WWTR1: variants seen among roughly 807,000 people sequenced by gnomAD.
The protein encoded by WWTR1 is WW domain-containing transcription regulator protein 1.
WWTR1 carries 13 observed loss-of-function variants against 40.1 expected under a neutral mutation model. The observed-to-expected ratio is 0.32, with a 90% CI of 0.21 to 0.52. The LOEUF (loss-of-function observed/expected upper bound fraction) is 0.52. Ranked by LOEUF, WWTR1 falls within the 20% of genes least tolerant of loss-of-function variation. The probability of loss-of-function intolerance (pLI) is 0.97; values close to 1 mark genes in which losing one functional copy is unlikely to be tolerated. For missense variants in WWTR1, 436 were observed against 523.1 expected, an observed-to-expected ratio of 0.83 and a Z score of 1.63; for synonymous variants, 230 against 210.1, an observed-to-expected ratio of 1.09 and a Z score of -0.82.
chr3:149,583,963 G>C (rs1005256038), intron 2 of WWTR1, among the ~76,000 whole-genome samples: 1 of 152,152 alleles, frequency 6.6e-6, no homozygotes, highest in African/African-American at 2.4e-5. Flanking sequence ...TAACATCTAG[G>C]AATCAGCTTC....
chr3:149,609,631 G>C (rs1739643502), intron 2 of WWTR1, among the ~76,000 whole-genome samples: 1 of 152,170 alleles, frequency 6.6e-6, no homozygotes, highest in East Asian at 1.9e-4. Context: ...TTTACAACAG[G>C]GACTTTATGG....
At chr3:149,636,048 T>G (rs987273345) in intron 2 of WWTR1, among the ~76,000 whole-genome samples, 1 of 152,188 alleles carries the variant, frequency 6.6e-6, no homozygotes, top group Admixed American at 6.5e-5. Context: ...AGTCAAAATT[T>G]TAAATGAAGA....
rs1331088206 is a variant in WWTR1, at chr3:149,651,171, A to G, written c.431+5705T>C. 4.6e-5 allele frequency among the ~76,000 whole-genome samples: 7 copies of G among 152,174 alleles called. No homozygotes were observed. The East Asian group carries it at 1.3e-3, about 29-fold the overall frequency. Reference sequence around the variant, plus strand: ...GGGCCCTTATGAAAACAGCTACATTATACTGTCATTCAAAGATAAACAGAA... The same window carrying G: ...GGGCCCTTATGAAAACAGCTACATTGTACTGTCATTCAAAGATAAACAGAA... On this transcript the variant is annotated intron_variant, in intron 2 of 6. Coordinates refer to ENST00000360632, the MANE Select transcript of WWTR1 (RefSeq NM_015472.6).
chr3:149,604,876 C>T (rs2108056635), intron 2 of WWTR1, among the ~76,000 whole-genome samples: 1 of 152,328 alleles, frequency 6.6e-6, no homozygotes, highest in Admixed American at 6.5e-5. Context: ...GCCATACGTT[C>T]TGCATTCTTA....
chr3:149,648,314 T>G (rs946614710), intron 2 of WWTR1, among the ~76,000 whole-genome samples: 2 of 152,168 alleles, frequency 1.3e-5, no homozygotes, highest in African/African-American at 4.8e-5. Context: ...AATACAGGAT[T>G]CCTTTCGAAC....
At chr3:149,557,061 CTTTTTTTTTT>C (rs3044118) in intron 3 of WWTR1, among the ~76,000 whole-genome samples, 3 of 64,356 alleles carry the variant, frequency 4.7e-5, no homozygotes, top group African/African-American at 1.2e-4. Context: ...CTGGAATCTT[CTTTTTTTTTT>C]TTTTTTTTTT....
chr3:149,592,672 T>C (rs1738786433), intron 2 of WWTR1, among the ~76,000 whole-genome samples: 2 of 152,222 alleles, frequency 1.3e-5, no homozygotes, highest in South Asian at 2.1e-4. Context: ...TGAAATTAAC[T>C]TGTGTTTTTA....
chr3:149,594,418 T>C (rs1041235384), intron 2 of WWTR1, among the ~76,000 whole-genome samples: 8 of 152,346 alleles, frequency 5.3e-5, no homozygotes, highest in Admixed American at 3.3e-4. Context: ...TAGGAATATT[T>C]GAATATGTAC....
intron 4 of WWTR1, among the ~76,000 whole-genome samples, chr3:149,531,604 C>T (rs565234623): frequency 1.3e-5 from 2 of 152,134 alleles, no homozygotes; most frequent in East Asian, 1.9e-4. Flanking sequence ...AGGTGTTCCT[C>T]GAGTCTTCCT....
intron 2 of WWTR1, among the ~76,000 whole-genome samples, chr3:149,667,263 G>A (rs529117895): frequency 5.4e-4 from 82 of 152,128 alleles, no homozygotes; most frequent in Non-Finnish European, 9.1e-4. Context: ...TCTTACTAAT[G>A]GGGCCGGGCG....
chr3:149,705,427 A>G (rs934502436), upstream of WWTR1, among the ~76,000 whole-genome samples: 1 of 152,246 alleles, frequency 6.6e-6, no homozygotes, highest in Non-Finnish European at 1.5e-5. Flanking sequence ...CAAATGTCAG[A>G]AAACAATATG....
intron 2 of WWTR1, among the ~76,000 whole-genome samples, chr3:149,636,966 G>GAAAAAAAAAAAAAAAAAAAAAAA (rs397950107): frequency 2.3e-5 from 1 of 43,308 alleles, no homozygotes. Flanking sequence ...TGTCTCAAGT[G>GAAAAAAAAAAAAAAAAAAAAAAA]AAAAAAAAAA....
chr3:149,703,850 T>C (rs1312652350), upstream of WWTR1, among the ~76,000 whole-genome samples: 1 of 152,214 alleles, frequency 6.6e-6, no homozygotes, highest in Non-Finnish European at 1.5e-5. Flanking sequence ...ATTGGAAGCT[T>C]CCTGAGTCCC....
At chr3:149,656,457 C>T (rs1713209317) in intron 2 of WWTR1, among the ~76,000 whole-genome samples, 2 of 152,088 alleles carry the variant, frequency 1.3e-5, no homozygotes, top group Non-Finnish European at 2.9e-5. Flanking sequence ...ACCAAAAGTC[C>T]CTCTGTTCCC....
At chr3:149,623,311 CGA>C (rs1740398817) in intron 2 of WWTR1, among the ~76,000 whole-genome samples, 2 of 152,114 alleles carry the variant, frequency 1.3e-5, no homozygotes, top group South Asian at 4.2e-4. Flanking sequence ...TGCAGTGAGC[CGA>C]GATTGTGCCA....
chr3:149,617,360 A>G (rs73868042), intron 2 of WWTR1, among the ~76,000 whole-genome samples: 3,538 of 152,264 alleles, frequency 0.023, 154 homozygotes, highest in African/African-American at 0.081. Flanking sequence ...TAGCATGTGG[A>G]TAAGTCAATG....
At chr3:149,541,710 T>A (rs563350323) in intron 4 of WWTR1, among the ~76,000 whole-genome samples, 1 of 151,774 alleles carries the variant, frequency 6.6e-6, no homozygotes, top group African/African-American at 2.4e-5. Context: ...ACTTCCTGTC[T>A]CTTAGAATGC....
chr3:149,711,087 T>TTTACGGGCACAGTATATGTGCA lies in WWTR1; in HGVS notation n.584+6354_584+6355insTGCACATATACTGTGCCCGTAA, dbSNP rs1715467315. Reference sequence around the variant, plus strand: ...TCCACCCAAATTGATTATATATTCATTTACGGGCACAGTTAGGAAAGAAGA... The same window carrying TTTACGGGCACAGTATATGTGCA: ...TCCACCCAAATTGATTATATATTCATTTACGGGCACAGTATATGTGCATTACGGGCACAGTTAGGAAAGAAGA... On this transcript the variant is annotated intron_variant and non_coding_transcript_variant, in intron 5 of 6. Coordinates refer to the WWTR1 transcript ENST00000474080. Among the ~76,000 whole-genome samples, 4 of 151,442 alleles carry TTTACGGGCACAGTATATGTGCA rather than the reference T, an allele frequency of 2.6e-5. No homozygotes were observed. In the South Asian group the frequency reaches 8.3e-4, roughly 32 times the overall value.
chr3:149,628,037 C>T (rs574325695), intron 2 of WWTR1, among the ~76,000 whole-genome samples: 2 of 140,356 alleles, frequency 1.4e-5, no homozygotes, highest in East Asian at 4.5e-4. Context: ...GGCGCCATTG[C>T]GCTGTAGCCT....
Sources: allele counts gnomAD v4.1 joint callset (sites outside exome capture counted in the v4.1 genomes callset), GRCh38; gene constraint gnomAD v4.1.1; transcripts MANE v1.5; gene names NCBI Gene and HGNC (gene_info 2026-07-23, HGNC 2026-07-21).